Variants in ACAP2 observed in about 807,000 individuals in gnomAD.
ACAP2 encodes arf-GAP with coiled-coil, ANK repeat and PH domain-containing protein 2.
In ACAP2, 39 loss-of-function variants were observed where a neutral mutation model predicts 115.8. That is an observed-to-expected ratio of 0.34 (90% confidence interval 0.26 to 0.44). The LOEUF is 0.44. Among genes scored for constraint, ACAP2 ranks in the 20% least tolerant of loss-of-function variants. The pLI is 1.00. For synonymous variants in ACAP2, 289 were observed against 315.8 expected (o/e 0.92, Z 0.90); for missense variants, 662 against 927.6 (o/e 0.71, Z 3.72).
chr3:195,361,435 C>CA (rs577868054), intron 4 of ACAP2, among the ~76,000 whole-genome samples: 3,108 of 91,622 alleles, frequency 0.034, 87 homozygotes, highest in East Asian at 0.24. Context: ...GACTCTGTCT[C>CA]AAAAAAAAAA....
At chr3:195,370,224 C>G (rs2108725525) in intron 4 of ACAP2, among the ~76,000 whole-genome samples, 1 of 152,268 alleles carries the variant, frequency 6.6e-6, no homozygotes, top group East Asian at 1.9e-4. Context: ...TTGACAGTTT[C>G]TTTTACTGTG....
intron 7 of ACAP2, among the ~76,000 whole-genome samples, chr3:195,333,402 T>C (rs1730303991): frequency 6.6e-6 from 1 of 152,164 alleles, no homozygotes; most frequent in African/African-American, 2.4e-5. Context: ...AGTCTCGCCA[T>C]GTTACCCAGG....
rs570467240 is a variant in ACAP2 at position 195,393,133 on chromosome 3, C to T, written c.54-986G>A. On this transcript the variant is annotated intron_variant, in intron 1 of 22. Coordinates refer to ENST00000326793, the MANE Select transcript of ACAP2 (RefSeq NM_012287.6). Reference sequence around the variant, plus strand: ...GAAGGACTGCTTGGACCCAAGAGTTCGAGAGCAGCCTAGGAAACACAGGAA... The same window carrying T: ...GAAGGACTGCTTGGACCCAAGAGTTTGAGAGCAGCCTAGGAAACACAGGAA... 4.1e-4 allele frequency among the ~76,000 whole-genome samples: 63 copies of T among 152,042 alleles called. No individual in the cohort carries two copies. The Middle Eastern group carries it at 0.017, about 41-fold the overall frequency.
chr3:195,407,012 A>G (rs535807101), intron 1 of ACAP2, among the ~76,000 whole-genome samples: 1 of 152,004 alleles, frequency 6.6e-6, no homozygotes, highest in African/African-American at 2.4e-5. Flanking sequence ...GTCTTTAATG[A>G]CCCACCTTAT....
chr3:195,332,853 C>A lies in ACAP2; in HGVS notation c.669+175G>T, dbSNP rs569563782. 1.3e-5 allele frequency among the ~76,000 whole-genome samples: 2 copies of A among 152,312 alleles called. 1 individual carries two copies. The highest frequency in any genetic ancestry group is 4.1e-4 in the South Asian group (2 of 4,826). ...CATTGTAAGTTTCCTGAGGCCTCCC[C>A]AGCCATGCAGAACTGTGAGTCAATT... On this transcript the variant is annotated intron_variant, in intron 8 of 22. Transcript: ENST00000326793.
intron 6 of ACAP2, among the ~76,000 whole-genome samples, chr3:195,339,528 T>C (rs1253185871): frequency 6.6e-6 from 1 of 150,452 alleles, no homozygotes; most frequent in African/African-American, 2.4e-5. Flanking sequence ...AGCATTTAAA[T>C]TATTGGAGGA....
Position 195,289,186 on chromosome 3 carries a change from A to T in ACAP2, c.2109T>A (p.Thr703=). 6.2e-7 allele frequency: 1 copy of T among 1,613,680 alleles called. No individual in the cohort carries two copies. Among genetic ancestry groups the T allele is most frequent in the Non-Finnish European group, 8.5e-7 (1 of 1,179,886 alleles). ...TCAAAGGGTCTTTCCCTTCTTCATC[A>T]GTGGCATGTTGATTGGCACCTCGTT... ...FLKRGANQHA[T]DEEGKDPLSI... is the part of the protein sequence containing the mutation. The change falls in exon 21 of 23, where the codon ACT becomes ACA. Residue 703 remains threonine, a synonymous_variant. Coordinates refer to ENST00000326793, the MANE Select transcript of ACAP2 (RefSeq NM_012287.6).
intron 20 of ACAP2, 24 bp downstream of exon 20, chr3:195,291,682 T>G (rs755540855): frequency 3.3e-5 from 51 of 1,564,744 alleles, no homozygotes; most frequent in African/African-American, 5.5e-5. Context: ...AAAGTCTCCT[T>G]AAATATGAAA....
chr3:195,294,450 C>T (rs1292912739), intron 18 of ACAP2, among the ~76,000 whole-genome samples: 6 of 150,934 alleles, frequency 4.0e-5, no homozygotes, highest in Admixed American at 2.0e-4. Flanking sequence ...TGGTGGTGGG[C>T]GCCTGTAATC....
intron 10 of ACAP2, among the ~76,000 whole-genome samples, chr3:195,309,595 A>G (rs180903664): frequency 4.4e-4 from 67 of 152,246 alleles, no homozygotes; most frequent in Admixed American, 1.1e-3. Flanking sequence ...ATTGAAATAA[A>G]TTGTGCTTTA....
At chr3:195,325,711 T>C (rs964782776) in intron 9 of ACAP2, among the ~76,000 whole-genome samples, 2 of 152,148 alleles carry the variant, frequency 1.3e-5, no homozygotes, top group African/African-American at 4.8e-5. Context: ...ACAAATACCA[T>C]GATATCTCAT....
chr3:195,326,789 CAA>C, intron 9 of ACAP2, 94 bp downstream of exon 9: 1 of 1,065,810 alleles, frequency 9.4e-7, no homozygotes, highest in Non-Finnish European at 1.4e-6. Flanking sequence ...TAGAACAACT[CAA>C]AAGATTTGTT....
chr3:195,364,964 T>A lies in ACAP2; in HGVS notation c.285+16045A>T, dbSNP rs370559597. ...TCAGCCATAAAGAAGAATGAGATCCTGTCATCTGCAACAACATGGACGAAA... is the reference window on the plus strand; with the variant it reads ...TCAGCCATAAAGAAGAATGAGATCCAGTCATCTGCAACAACATGGACGAAA... On this transcript the variant is annotated intron_variant, in intron 4 of 22. Transcript: ENST00000326793. Among the ~76,000 whole-genome samples the A allele has an allele frequency of 3.0e-4, 46 of 152,368 alleles. 1 individual carries two copies. The South Asian group carries it at 9.1e-3, about 30-fold the overall frequency.
chr3:195,315,258 C>T (rs973471088), intron 10 of ACAP2, among the ~76,000 whole-genome samples: 5 of 152,150 alleles, frequency 3.3e-5, no homozygotes, highest in Non-Finnish European at 7.4e-5. Flanking sequence ...TGGGCTCAGG[C>T]AATCTGCCTG....
At chr3:195,398,526 A>G (rs904061630) in intron 1 of ACAP2, among the ~76,000 whole-genome samples, 7 of 151,876 alleles carry the variant, frequency 4.6e-5, no homozygotes, top group Admixed American at 3.9e-4. Flanking sequence ...AATCCCCGCT[A>G]CTCGGGAGGC....
intron 1 of ACAP2, among the ~76,000 whole-genome samples, chr3:195,395,575 G>C (rs958047197): frequency 1.3e-5 from 2 of 152,130 alleles, no homozygotes; most frequent in Admixed American, 1.3e-4. Flanking sequence ...AAAGTTTTAC[G>C]GAAGCAGAGA....
At chr3:195,434,389 C>T in intron 1 of ACAP2, among the ~76,000 whole-genome samples, 1 of 152,144 alleles carries the variant, frequency 6.6e-6, no homozygotes, top group Admixed American at 6.5e-5. Flanking sequence ...CATGCTATCA[C>T]ACTTAGCTAA....
intron 9 of ACAP2, chr3:195,325,414 ATTTTT>A (rs746254101): frequency 8.7e-3 from 2,758 of 316,838 alleles, no homozygotes; most frequent in East Asian, 0.012. Context: ...TAGTGGACTG[ATTTTT>A]TTTTTTTTTT....
intron 18 of ACAP2, among the ~76,000 whole-genome samples, chr3:195,292,750 C>T (rs1370036290): frequency 2.0e-5 from 3 of 151,650 alleles, no homozygotes; most frequent in Non-Finnish European, 2.9e-5. Flanking sequence ...GGTGAAACCT[C>T]GTCTTTACTA....
Sources: gnomAD v4.1 joint callset for allele counts (sites outside exome capture counted in the v4.1 genomes callset) on GRCh38, gnomAD v4.1.1 for gene constraint, MANE v1.5 for transcripts, NCBI Gene and HGNC (gene_info 2026-07-23, HGNC 2026-07-21) for gene names.